CNKSR3: variants seen among roughly 807,000 people sequenced by gnomAD.
CNKSR3 encodes the protein connector enhancer of kinase suppressor of ras 3.
CNKSR3 carries 36 observed loss-of-function variants against 67.7 expected under a neutral mutation model. The ratio of observed to expected loss-of-function variants is 0.53; its 90% CI spans 0.41 to 0.70. The LOEUF (loss-of-function observed/expected upper bound fraction) is 0.70. Ranked by LOEUF, CNKSR3 falls within the 30% of genes least tolerant of loss-of-function variation. CNKSR3 has a pLI of 0.00. For synonymous variants in CNKSR3, 281 were observed against 271.4 expected, an observed-to-expected ratio of 1.04 and a Z score of -0.35; for missense variants, 630 against 695.2, an observed-to-expected ratio of 0.91 and a Z score of 1.05.
chr6:154,446,802 CTTTTTTTTTT>C (rs765120948), intron 2 of CNKSR3, among the ~76,000 whole-genome samples: 1 of 120,362 alleles, frequency 8.3e-6, no homozygotes, highest in African/African-American at 3.5e-5. Flanking sequence ...TCATACTTAT[CTTTTTTTTTT>C]TTTTTTTTTT....
At chr6:154,428,971 AG>A (rs1177223107) in intron 6 of CNKSR3, among the ~76,000 whole-genome samples, 3 of 152,252 alleles carry the variant, frequency 2.0e-5, no homozygotes, top group African/African-American at 4.8e-5. Context: ...AACAAAGCAT[AG>A]GTAGCAAATT....
At chr6:154,506,098 CAT>C (rs1476211566) in intron 1 of CNKSR3, among the ~76,000 whole-genome samples, 2 of 152,122 alleles carry the variant, frequency 1.3e-5, no homozygotes, top group African/African-American at 2.4e-5. Flanking sequence ...GAATGTGGCA[CAT>C]GTGTACTCTG....
Position 154,387,786 on chromosome 6 carries a change from G to T in CNKSR3, c.*18568C>A, listed in dbSNP as rs1043419118. ...TCAGGCCTTATTTAAAAAGAAAAAT[G>T]TTCTATCATCAAATGTATTATGCAT... On this transcript the variant is annotated 3_prime_UTR_variant, in exon 13 of 13. Transcript: ENST00000607772. 6.6e-6 allele frequency: 1 copy of T among 152,120 alleles called. No individual in the cohort carries two copies. Among genetic ancestry groups the T allele is most frequent in the Non-Finnish European group, 1.5e-5 (1 of 68,026 alleles). The allele number at this position is 152,120 out of a possible 1,614,324, so 9.4% of individuals were successfully genotyped here.
rs1784685284 is a variant in CNKSR3 at position 154,398,636 on chromosome 6, T to C, written c.*7718A>G. 1 of 152,180 alleles carries C rather than the reference T, an allele frequency of 6.6e-6. No homozygotes were observed. The highest frequency in any genetic ancestry group is 1.5e-5 in the Non-Finnish European group (1 of 68,038). 9.4% of individuals were successfully genotyped at this position (152,180 alleles called of 1,614,324 possible). On this transcript the variant is annotated 3_prime_UTR_variant, in exon 13 of 13. Transcript: ENST00000607772. The stretch of plus-strand genomic sequence containing the variant: ...AGAAACGAGTTTGAGGAATACCACT[T>C]CAAGATGGGAATGGGAGGCAAAAAT...
intron 5 of CNKSR3, among the ~76,000 whole-genome samples, chr6:154,430,934 T>C (rs1785354162): frequency 6.7e-6 from 1 of 149,474 alleles, no homozygotes; most frequent in African/African-American, 2.5e-5. Flanking sequence ...AGTCTCTGAA[T>C]ACCAAATATT....
chr6:154,424,698 C>T (rs978739710), intron 7 of CNKSR3, among the ~76,000 whole-genome samples: 4 of 152,170 alleles, frequency 2.6e-5, no homozygotes, highest in East Asian at 3.8e-4. Flanking sequence ...AACCTGCTAC[C>T]GTACCCGACA....
chr6:154,406,244 T>C lies in CNKSR3; in HGVS notation c.*110A>G, dbSNP rs1420193565. ...GATAACTTTTCAAAAGAAAAAGAAA[T>C]TGCATAAGGTCCCTACATAATACTG... On this transcript the variant is annotated 3_prime_UTR_variant, in exon 13 of 13. Transcript: ENST00000607772. The C allele has an allele frequency of 1.8e-5, 18 of 1,009,382 alleles. No homozygotes were observed. Among genetic ancestry groups the C allele is most frequent in the Non-Finnish European group, 2.3e-5 (16 of 698,478 alleles). 62.5% of individuals were successfully genotyped at this position (1,009,382 alleles called of 1,614,324 possible). A position where few individuals can be genotyped will look rare whatever the true frequency, so the allele number is the denominator to read the frequency against.
intron 2 of CNKSR3, among the ~76,000 whole-genome samples, chr6:154,445,129 T>G (rs1785683063): frequency 6.6e-6 from 1 of 152,020 alleles, no homozygotes; most frequent in Non-Finnish European, 1.5e-5. Flanking sequence ...TAAATTTATG[T>G]TACCTCCTAG....
intron 1 of CNKSR3, among the ~76,000 whole-genome samples, chr6:154,468,052 G>A (rs1328436851): frequency 7.1e-6 from 1 of 141,760 alleles, no homozygotes; most frequent in African/African-American, 2.6e-5. Flanking sequence ...GAGCCACCAC[G>A]CCTAGGCTTT....
At position 154,406,610 on chromosome 6, in the gene CNKSR3, G is replaced by A. The variant is rs781245633; in HGVS notation, c.1412C>T (p.Pro471Leu). 6.2e-7 allele frequency: 1 copy of A among 1,614,120 alleles called. No homozygotes were observed. Among genetic ancestry groups the A allele is most frequent in the Non-Finnish European group, 8.5e-7 (1 of 1,179,988 alleles). ...LCRYFSNERI[P>L]PIIEESSSPP... is the part of the protein sequence containing the mutation. ...AGAGGAGCTCTCTTCAATGATCGGAGGAATCCGCTCGTTACTGAAATACCG... is the reference window on the plus strand; with the variant it reads ...AGAGGAGCTCTCTTCAATGATCGGAAGAATCCGCTCGTTACTGAAATACCG... The change falls in exon 13 of 13, where the codon CCT becomes CTT. Residue 471 changes from proline (P) to leucine (L), a missense_variant. Pro to Leu is a moderately conservative substitution (Grantham distance 98). Transcript: ENST00000607772.
rs994426992 is a variant in CNKSR3 at position 154,406,474 on chromosome 6, C to T, written c.1548G>A (p.Thr516=). The change falls in exon 13 of 13, where the codon ACG becomes ACA. Residue 516 remains threonine, a synonymous_variant. Coordinates refer to ENST00000607772, the MANE Select transcript of CNKSR3 (RefSeq NM_173515.4). The stretch of plus-strand genomic sequence containing the variant: ...TGGTCCCTTCCTCCTGGAATGGAAT[C>T]GTGGCGCTGCTGTGGAGATCTGAGT... ...YINSDLHSSA[T]IPFQEEGTKK... is the part of the protein sequence containing the mutation. 4 of 1,614,184 alleles carry T rather than the reference C, an allele frequency of 2.5e-6. No individual in the cohort carries two copies. The highest frequency in any genetic ancestry group is 1.7e-5 in the Admixed American group (1 of 60,026).
intron 1 of CNKSR3, among the ~76,000 whole-genome samples, chr6:154,490,492 T>C (rs1201709915): frequency 6.6e-6 from 1 of 152,242 alleles, no homozygotes; most frequent in East Asian, 1.9e-4. Flanking sequence ...ACGTATACAA[T>C]ATATCTAATA....
rs947743870 is a variant in CNKSR3 at position 154,450,111 on chromosome 6, T to C, written c.200A>G (p.Asp67Gly). ...GHQELVLEAV[D>G]LLCALNYGLE... is the part of the protein sequence containing the mutation. The stretch of plus-strand genomic sequence containing the variant: ...TGAACTAACCAGTGCACAGAGAAGG[T>C]CCACAGCCTCCAACACAAGCTCCTG... Residue 67 changes from aspartate (D) to glycine (G), a missense_variant, in exon 2 of 13, where the codon GAC becomes GGC. This residue lies in a region of CNKSR3 where 189 missense variants were observed against 205.0 expected (regional missense o/e 0.92). Coordinates refer to ENST00000607772, the MANE Select transcript of CNKSR3 (RefSeq NM_173515.4). 6.2e-7 allele frequency: 1 copy of C among 1,614,062 alleles called. No individual in the cohort carries two copies. The highest frequency in any genetic ancestry group is 8.5e-7 in the Non-Finnish European group (1 of 1,179,998).
chr6:154,423,117 T>TTC, intron 7 of CNKSR3, 134 bp from the exon 8 acceptor site: 1 of 614,050 alleles, frequency 1.6e-6, no homozygotes, highest in Non-Finnish European at 2.9e-6. Context: ...CAATGCACTT[T>TTC]ATTCCCCTGA....
chr6:154,502,413 TCTCAA>T (rs1787017479), intron 1 of CNKSR3, among the ~76,000 whole-genome samples: 1 of 151,182 alleles, frequency 6.6e-6, no homozygotes, highest in Non-Finnish European at 1.5e-5. Flanking sequence ...GCCAGGCTGG[TCTCAA>T]ACTCCTGACC....
Position 154,395,206 on chromosome 6 carries a change from A to G in CNKSR3, c.*11148T>C, listed in dbSNP as rs1224616744. The G allele has an allele frequency of 6.6e-6, 1 of 152,218 alleles. No homozygotes were observed. The highest frequency in any genetic ancestry group is 2.4e-5 in the African/African-American group (1 of 41,450). 9.4% of individuals were successfully genotyped at this position (152,218 alleles called of 1,614,324 possible). On this transcript the variant is annotated 3_prime_UTR_variant, in exon 13 of 13. Coordinates refer to ENST00000607772, the MANE Select transcript of CNKSR3 (RefSeq NM_173515.4). The stretch of plus-strand genomic sequence containing the variant: ...GCATCAAGTATTTTCCATTGCCAAG[A>G]AGAGAATTCAATCCCATTTCCCATG...
At chr6:154,459,607 C>A (rs183503875) in intron 1 of CNKSR3, among the ~76,000 whole-genome samples, 30 of 152,300 alleles carry the variant, frequency 2.0e-4, no homozygotes, top group Non-Finnish European at 3.2e-4. Flanking sequence ...GACAGTCAAC[C>A]CTAAAGCGCT....
intron 1 of CNKSR3, among the ~76,000 whole-genome samples, chr6:154,486,342 C>T (rs1455237856): frequency 6.6e-6 from 1 of 151,010 alleles, no homozygotes; most frequent in Admixed American, 6.6e-5. Flanking sequence ...GTCTCCCAGG[C>T]CAGAGTGCAG....
In CNKSR3 at chr6:154,395,338, T is replaced by G. The variant is rs529023490; in HGVS notation, c.*11016A>C. 2.6e-5 allele frequency: 4 copies of G among 152,304 alleles called. No homozygotes were observed. The East Asian group carries it at 7.7e-4, about 29-fold the overall frequency. 9.4% of individuals were successfully genotyped at this position (152,304 alleles called of 1,614,324 possible). The stretch of plus-strand genomic sequence containing the variant: ...TGATCATACAGAGCCCTGGTAACAG[T>G]CATCATCATCATCCATTGCTGTTTA... On this transcript the variant is annotated 3_prime_UTR_variant, in exon 13 of 13. Coordinates refer to ENST00000607772, the MANE Select transcript of CNKSR3 (RefSeq NM_173515.4).
Sources: gnomAD v4.1 joint callset for allele counts (sites outside exome capture counted in the v4.1 genomes callset) on GRCh38, gnomAD v4.1.1 for gene constraint, gnomAD v4.1.1 regional missense constraint, MANE v1.5 for transcripts, NCBI Gene and HGNC (gene_info 2026-07-23, HGNC 2026-07-21) for gene names.